The following SBF2 variants were observed in gnomAD, a reference collection of about 807,000 sequenced individuals.
The protein encoded by SBF2 is SET binding factor 2.
SBF2 carries 112 observed loss-of-function variants against 225.2 expected under a neutral mutation model. The observed-to-expected ratio is 0.50, with a 90% CI of 0.43 to 0.58. The LOEUF (loss-of-function observed/expected upper bound fraction) is 0.58. Among genes scored for constraint, SBF2 ranks in the 20% least tolerant of loss-of-function variants. The pLI, the probability that SBF2 is intolerant of heterozygous loss-of-function variation, is 0.00. For missense variants in SBF2, 1,996 were observed against 2,206.2 expected (o/e 0.90, Z 1.91); for synonymous variants, 763 against 773.3 (o/e 0.99, Z 0.22).
At chr11:10,072,639 T>C (rs998609555) in intron 2 of SBF2, among the ~76,000 whole-genome samples, 1 of 151,586 alleles carries the variant, frequency 6.6e-6, no homozygotes, top group Admixed American at 6.6e-5. Flanking sequence ...GGACAACAAA[T>C]AGAAGGAATG....
chr11:10,069,327 C>G (rs911248955), intron 2 of SBF2, among the ~76,000 whole-genome samples: 15 of 115,620 alleles, frequency 1.3e-4, no homozygotes, highest in African/African-American at 4.9e-4. Flanking sequence ...CACCCCCCAA[C>G]AGGCCCCAGG....
At chr11:9,810,939 T>C (rs544707764) in intron 30 of SBF2, 2 of 152,324 alleles carry the variant, frequency 1.3e-5, no homozygotes, top group South Asian at 4.1e-4. Context: ...CTATTCACAA[T>C]AGCAAAGACA....
chr11:10,098,117 C>G (rs550264084), intron 2 of SBF2, among the ~76,000 whole-genome samples: 10 of 152,074 alleles, frequency 6.6e-5, no homozygotes, highest in Non-Finnish European at 1.3e-4. Flanking sequence ...ATACCATGCA[C>G]CCCTCTCTCC....
At chr11:10,003,034 G>A (rs1221990268) in intron 6 of SBF2, among the ~76,000 whole-genome samples, 4 of 152,140 alleles carry the variant, frequency 2.6e-5, no homozygotes, top group African/African-American at 4.8e-5. Context: ...TTTGTCTGAC[G>A]TTAATAATAC....
At chr11:10,207,822 CCT>C (rs1957797447) in intron 1 of SBF2, among the ~76,000 whole-genome samples, 1 of 151,892 alleles carries the variant, frequency 6.6e-6, no homozygotes. Flanking sequence ...CAAGCTCAAC[CCT>C]CTCTCACAAG....
chr11:9,969,183 A>T (rs1353627148), intron 13 of SBF2, among the ~76,000 whole-genome samples: 1 of 152,182 alleles, frequency 6.6e-6, no homozygotes, highest in Non-Finnish European at 1.5e-5. Context: ...GCCATTCTCT[A>T]ACACCCAACT....
intron 16 of SBF2, among the ~76,000 whole-genome samples, chr11:9,898,799 T>C (rs1331758628): frequency 1.3e-5 from 2 of 152,200 alleles, no homozygotes; most frequent in Non-Finnish European, 2.9e-5. Context: ...CTAAAAATAA[T>C]ATTTTAACTA....
chr11:9,867,656 T>C (rs1218240223), intron 17 of SBF2, among the ~76,000 whole-genome samples: 1 of 152,180 alleles, frequency 6.6e-6, no homozygotes, highest in Non-Finnish European at 1.5e-5. Context: ...GGAAACATGG[T>C]ATATATACAT....
chr11:10,254,385 G>GAA (rs560534059), intron 1 of SBF2, among the ~76,000 whole-genome samples: 2 of 82,326 alleles, frequency 2.4e-5, no homozygotes, highest in Non-Finnish European at 2.6e-5. Context: ...TGTCTCAAAA[G>GAA]AAAAAAAAAA....
intron 3 of SBF2, among the ~76,000 whole-genome samples, chr11:10,039,243 T>C (rs779993756): frequency 3.3e-5 from 5 of 151,828 alleles, no homozygotes; most frequent in Non-Finnish European, 5.9e-5. Context: ...GAACTGATGA[T>C]ATGATCCAAA....
At chr11:9,785,983 C>A (rs538257557) in intron 36 of SBF2, among the ~76,000 whole-genome samples, 26 of 152,144 alleles carry the variant, frequency 1.7e-4, no homozygotes, top group Non-Finnish European at 3.4e-4. Context: ...TCTCCTGACT[C>A]AGCCTCCCAA....
At chr11:10,035,779 G>C (rs551846083) in intron 3 of SBF2, among the ~76,000 whole-genome samples, 1 of 152,308 alleles carries the variant, frequency 6.6e-6, no homozygotes, top group South Asian at 2.1e-4. Context: ...TGCTGGAGAG[G>C]ATGTGGAGAA....
At chr11:10,058,264 T>C (rs1950321243) in intron 2 of SBF2, among the ~76,000 whole-genome samples, 1 of 151,968 alleles carries the variant, frequency 6.6e-6, no homozygotes, top group African/African-American at 2.4e-5. Context: ...AAAATAAGAA[T>C]CACAATAAAG....
intron 16 of SBF2, among the ~76,000 whole-genome samples, chr11:9,902,356 G>T (rs1041053613): frequency 3.3e-5 from 5 of 152,110 alleles, no homozygotes; most frequent in Non-Finnish European, 7.3e-5. Flanking sequence ...CTTTCAATCA[G>T]TAGCCAATCA....
intron 16 of SBF2, among the ~76,000 whole-genome samples, chr11:9,922,212 G>A (rs533248201): frequency 1.2e-4 from 18 of 151,922 alleles, no homozygotes; most frequent in Admixed American, 4.6e-4. Flanking sequence ...ATCATGACAC[G>A]GTACTCCAGC....
intron 16 of SBF2, among the ~76,000 whole-genome samples, chr11:9,913,256 C>T (rs926963260): frequency 6.6e-6 from 1 of 152,130 alleles, no homozygotes; most frequent in Non-Finnish European, 1.5e-5. Context: ...GCCTGGGCGA[C>T]AGGGCGAGAC....
At chr11:10,294,481 C>A (rs1964404080), upstream of SBF2, among the ~76,000 whole-genome samples, 1 of 152,218 alleles carries the variant, frequency 6.6e-6, no homozygotes. Context: ...TTCCTTCCGC[C>A]TTCTCTATTC....
intron 13 of SBF2, among the ~76,000 whole-genome samples, chr11:9,974,023 T>C (rs530758803): frequency 4.5e-4 from 69 of 152,276 alleles, no homozygotes; most frequent in South Asian, 1.2e-3. Flanking sequence ...GGCAATACTG[T>C]CACTGGAGTA....
At chr11:10,276,640 G>C (rs189494758) in intron 1 of SBF2, among the ~76,000 whole-genome samples, 143 of 152,248 alleles carry the variant, frequency 9.4e-4, no homozygotes, top group African/African-American at 3.0e-3. Flanking sequence ...TTCCATTCAT[G>C]ATCAGTATGA....
Sources: allele counts gnomAD v4.1 joint callset (sites outside exome capture counted in the v4.1 genomes callset), GRCh38; gene constraint gnomAD v4.1.1; transcripts MANE v1.5; gene names NCBI Gene and HGNC (gene_info 2026-07-23, HGNC 2026-07-21).